The following RALY variants were observed in gnomAD, a reference collection of about 807,000 sequenced individuals.
RALY encodes RNA-binding protein Raly.
RALY carries 15 observed loss-of-function variants against 30.7 expected under a neutral mutation model. That is an observed-to-expected ratio of 0.49 (90% confidence interval 0.33 to 0.75). The LOEUF (loss-of-function observed/expected upper bound fraction) is 0.75. Among genes scored for constraint, RALY ranks in the 30% least tolerant of loss-of-function variants. The pLI is 0.02. For missense variants in RALY, 339 were observed against 414.3 expected, an observed-to-expected ratio of 0.82 and a Z score of 1.58; for synonymous variants, 177 against 170.8, an observed-to-expected ratio of 1.04 and a Z score of -0.28.
At chr20:34,056,482 T>A (rs1029903714) in intron 2 of RALY, among the ~76,000 whole-genome samples, 5 of 152,204 alleles carry the variant, frequency 3.3e-5, no homozygotes, top group Admixed American at 1.3e-4. Context: ...GACTATAAAT[T>A]CTTCCAGGGG....
chr20:34,069,319 C>G (rs565761176), intron 2 of RALY, among the ~76,000 whole-genome samples: 1 of 152,316 alleles, frequency 6.6e-6, no homozygotes, highest in South Asian at 2.1e-4. Flanking sequence ...AGAGAAAAGA[C>G]TGGCAGGGCC....
intron 5 of RALY, among the ~76,000 whole-genome samples, chr20:34,075,123 G>T (rs1048708715): frequency 6.6e-6 from 1 of 152,082 alleles, no homozygotes; most frequent in African/African-American, 2.4e-5. Flanking sequence ...CACAGCCTGG[G>T]AGCCCTGGGG....
intron 1 of RALY, among the ~76,000 whole-genome samples, chr20:34,006,235 G>C (rs137939604): frequency 4.8e-4 from 73 of 152,312 alleles, no homozygotes; most frequent in African/African-American, 1.7e-3. Flanking sequence ...TTCATTGTCA[G>C]TCTTGTTTCA....
At chr20:34,015,225 G>C (rs555120098) in intron 1 of RALY, 6 of 152,260 alleles carry the variant, frequency 3.9e-5, no homozygotes, top group African/African-American at 1.4e-4. Flanking sequence ...CTAAATCTCT[G>C]TGGGCCAGCC....
chr20:34,051,885 G>A (rs1414308610), intron 2 of RALY, among the ~76,000 whole-genome samples: 1 of 152,212 alleles, frequency 6.6e-6, no homozygotes, highest in Non-Finnish European at 1.5e-5. Context: ...GATTACAGGC[G>A]TGAGCCACTG....
At chr20:34,072,412 TTCTC>T in intron 3 of RALY, 82 bp downstream of exon 3, 3 of 1,472,572 alleles carry the variant, frequency 2.0e-6, no homozygotes, top group Non-Finnish European at 2.7e-6. Flanking sequence ...CCTTCTCTCT[TTCTC>T]TCACCGCTAC....
At chr20:34,010,053 C>T (rs1361370732) in intron 1 of RALY, among the ~76,000 whole-genome samples, 1 of 152,172 alleles carries the variant, frequency 6.6e-6, no homozygotes, top group African/African-American at 2.4e-5. Flanking sequence ...CTCGGCCTAT[C>T]TTAGGACTTC....
chr20:34,056,713 A>G (rs1191602272), intron 2 of RALY, among the ~76,000 whole-genome samples: 4 of 152,168 alleles, frequency 2.6e-5, no homozygotes, highest in Admixed American at 2.6e-4. Flanking sequence ...AGTAATGAGG[A>G]TTTGATTTTC....
intron 2 of RALY, among the ~76,000 whole-genome samples, chr20:34,039,915 G>T (rs886704527): frequency 6.6e-6 from 1 of 152,076 alleles, no homozygotes. Flanking sequence ...GATTGAGACC[G>T]TCCTGGCCAA....
intron 5 of RALY, among the ~76,000 whole-genome samples, 196 bp from the exon 6 acceptor site, chr20:34,075,678 G>A (rs1028076143): frequency 1.3e-5 from 2 of 152,134 alleles, no homozygotes; most frequent in African/African-American, 4.8e-5. Flanking sequence ...GTTGTAGTGA[G>A]GTAGTGAGGA....
chr20:34,055,359 G>T (rs2033209732), intron 2 of RALY, among the ~76,000 whole-genome samples: 1 of 152,194 alleles, frequency 6.6e-6, no homozygotes, highest in African/African-American at 2.4e-5. Flanking sequence ...CAAAGATACT[G>T]CCTTCCTGTC....
At chr20:34,077,277 T>A in intron 8 of RALY, 32 bp downstream of exon 8, 2 of 1,611,550 alleles carry the variant, frequency 1.2e-6, no homozygotes, top group Non-Finnish European at 1.7e-6. Flanking sequence ...CGACTGGGAC[T>A]CGACTGTGCT....
chr20:34,028,170 T>G (rs995845962), intron 1 of RALY, among the ~76,000 whole-genome samples: 1 of 151,508 alleles, frequency 6.6e-6, no homozygotes, highest in Admixed American at 6.6e-5. Flanking sequence ...CCTGTAATCC[T>G]AGCTACTTGA....
At chr20:34,062,021 T>C (rs906515204) in intron 2 of RALY, among the ~76,000 whole-genome samples, 4 of 152,246 alleles carry the variant, frequency 2.6e-5, no homozygotes, top group Non-Finnish European at 5.9e-5. Context: ...CCCTCAAGGA[T>C]ATGCCACATG....
intron 2 of RALY, among the ~76,000 whole-genome samples, chr20:34,040,986 G>T (rs992140316): frequency 1.4e-4 from 22 of 152,162 alleles, no homozygotes; most frequent in Admixed American, 1.4e-3. Flanking sequence ...TGTCTTCCAT[G>T]CCTTCAGTGT....
chr20:34,068,981 G>T (rs548486000), intron 2 of RALY, among the ~76,000 whole-genome samples: 1 of 152,296 alleles, frequency 6.6e-6, no homozygotes, highest in East Asian at 1.9e-4. Flanking sequence ...AAGAGGTTGG[G>T]TACCTAGCGC....
intron 1 of RALY, among the ~76,000 whole-genome samples, chr20:34,020,085 C>G (rs1248264409): frequency 6.6e-6 from 1 of 152,154 alleles, no homozygotes; most frequent in Non-Finnish European, 1.5e-5. Context: ...CTTGAGTGCC[C>G]ACTGTGTACC....
intron 1 of RALY, chr20:34,017,712 T>G (rs1439429092): frequency 6.6e-6 from 1 of 152,188 alleles, no homozygotes; most frequent in African/African-American, 2.4e-5. Flanking sequence ...AGGGAAGGGA[T>G]TCATAACTGG....
chr20:33,995,533 A>G lies in RALY; in HGVS notation c.-93+1402A>G, dbSNP rs150141945. Among the ~76,000 whole-genome samples, 42 of 152,296 alleles carry G rather than the reference A, an allele frequency of 2.8e-4. No individual in the cohort carries two copies. The East Asian group carries it at 5.2e-3, about 19-fold the overall frequency. On this transcript the variant is annotated intron_variant, in intron 1 of 9. Coordinates refer to ENST00000246194, the MANE Select transcript of RALY (RefSeq NM_016732.3). ...CTTTGGCAAATGTTCCAGTTTTTCA[A>G]TGTGATCCGGTTGGAGGGAGTGTCT...
Sources: allele counts gnomAD v4.1 joint callset (sites outside exome capture counted in the v4.1 genomes callset), GRCh38; gene constraint gnomAD v4.1.1; transcripts MANE v1.5; gene names NCBI Gene and HGNC (gene_info 2026-07-23, HGNC 2026-07-21).